SLC26A2: variants seen among roughly 807,000 people sequenced by gnomAD.
SLC26A2 encodes solute carrier family 26 member 2.
SLC26A2 carries 36 observed loss-of-function variants against 41.1 expected under a neutral mutation model. That is an observed-to-expected ratio of 0.88 (90% confidence interval 0.67 to 1.16). SLC26A2 has a LOEUF of 1.16. Ranked by LOEUF, SLC26A2 falls within the 50% of genes most tolerant of loss-of-function variation. SLC26A2 has a pLI of 0.00. For missense variants in SLC26A2, 796 were observed against 869.6 expected (o/e 0.92, Z 1.07); for synonymous variants, 291 against 311.6 (o/e 0.93, Z 0.70).
chr5:149,980,248 G>A, intron 2 of SLC26A2, 45 bp from the exon 3 acceptor site: 1 of 1,473,970 alleles, frequency 6.8e-7, no homozygotes, highest in Non-Finnish European at 9.5e-7. Context: ...AAATTTAGAA[G>A]TTCTTTTCCA....
Position 149,980,282 on chromosome 5 carries a change from C to T in SLC26A2, c.700-11C>T, listed in dbSNP as rs1396151743. 6.2e-7 allele frequency: 1 copy of T among 1,608,850 alleles called. No homozygotes were observed. The highest frequency in any genetic ancestry group is 1.3e-5 in the African/African-American group (1 of 74,906). ...CATTTATATTTAACACTTCTATATC[C>T]TTCCTTCCAGGTAGCGATGGGCTTC... is the stretch of plus-strand genomic sequence containing the variant. On this transcript the variant is annotated splice_polypyrimidine_tract_variant and intron_variant, in intron 2 of 2. Coordinates refer to ENST00000286298, the MANE Select transcript of SLC26A2 (RefSeq NM_000112.4).
chr5:149,971,269 G>A (rs1009581006), intron 1 of SLC26A2, among the ~76,000 whole-genome samples: 4 of 152,222 alleles, frequency 2.6e-5, no homozygotes, highest in African/African-American at 9.6e-5. Context: ...CTCATCCTTG[G>A]CATCCCTGGG....
Position 149,976,903 on chromosome 5 carries a change from A to G in SLC26A2, c.-25-725A>G, listed in dbSNP as rs559963687. Among the ~76,000 whole-genome samples, 5 of 152,344 alleles carry G rather than the reference A, an allele frequency of 3.3e-5. No individual in the cohort carries two copies. The South Asian group carries it at 1.0e-3, about 32-fold the overall frequency. ...TGACTCCATACTAGAACATAGTGGAATAGACAAAAACCTTCTACAGCATGT... is the reference window on the plus strand; with the variant it reads ...TGACTCCATACTAGAACATAGTGGAGTAGACAAAAACCTTCTACAGCATGT... On this transcript the variant is annotated intron_variant, in intron 1 of 2. Coordinates refer to ENST00000286298, the MANE Select transcript of SLC26A2 (RefSeq NM_000112.4).
chr5:149,978,793 T>C (rs567293247), intron 2 of SLC26A2, among the ~76,000 whole-genome samples: 1 of 152,214 alleles, frequency 6.6e-6, no homozygotes, highest in South Asian at 2.1e-4. Context: ...GCTCAAGCAG[T>C]CCTCCTACCT....
At position 149,984,039 on chromosome 5, in the gene SLC26A2, C is replaced by G. The variant is rs7722454; in HGVS notation, c.*2226C>G. ...AAAAATATAATTCCAGCCAAAGATT[C>G]TGGAAAATCCCTCAGAAGGAGGGAT... On this transcript the variant is annotated 3_prime_UTR_variant, in exon 3 of 3. Coordinates refer to ENST00000286298, the MANE Select transcript of SLC26A2 (RefSeq NM_000112.4). 2 of 152,210 alleles carry G rather than the reference C, an allele frequency of 1.3e-5. No individual in the cohort carries two copies. Among genetic ancestry groups the G allele is most frequent in the African/African-American group, 2.4e-5 (1 of 41,440 alleles). 9.4% of individuals were successfully genotyped at this position (152,210 alleles called of 1,614,324 possible).
At chr5:149,964,602 T>A (rs575258955) in intron 1 of SLC26A2, among the ~76,000 whole-genome samples, 1 of 151,814 alleles carries the variant, frequency 6.6e-6, no homozygotes, top group East Asian at 2.0e-4. Flanking sequence ...ACGGTGAAAC[T>A]CTGTCTCTAC....
intron 1 of SLC26A2, among the ~76,000 whole-genome samples, chr5:149,970,913 G>T (rs1366245616): frequency 6.6e-6 from 1 of 152,232 alleles, no homozygotes; most frequent in Non-Finnish European, 1.5e-5. Context: ...CTGATGCATT[G>T]TGTCTAGCAC....
chr5:149,960,822 G>C lies in SLC26A2; in HGVS notation c.-183G>C, dbSNP rs540241474. The stretch of plus-strand genomic sequence containing the variant: ...CGTCCTCGCCGCGCCCGTAGGTCCC[G>C]GCAGCCGGGCCCCGCCTCCTTCGGA... On this transcript the variant is annotated 5_prime_UTR_variant, in exon 1 of 3. Coordinates refer to ENST00000286298, the MANE Select transcript of SLC26A2 (RefSeq NM_000112.4). 4.0e-3 allele frequency: 606 copies of C among 152,476 alleles called. 3 individuals carry two copies. The highest frequency in any genetic ancestry group is 7.0e-3 in the Admixed American group (107 of 15,312). The allele number at this position is 152,476 out of a possible 1,614,324, so 9.4% of individuals were successfully genotyped here.
At chr5:149,971,285 A>G (rs1754893974) in intron 1 of SLC26A2, among the ~76,000 whole-genome samples, 1 of 152,240 alleles carries the variant, frequency 6.6e-6, no homozygotes, top group South Asian at 2.1e-4. Context: ...CTGGGCCTTT[A>G]TAGTGCTGTG....
intron 1 of SLC26A2, among the ~76,000 whole-genome samples, chr5:149,965,487 A>T (rs1308227181): frequency 4.6e-5 from 7 of 151,368 alleles, no homozygotes; most frequent in African/African-American, 1.7e-4. Flanking sequence ...CTCAAAAAAA[A>T]AAAAAAAAAA....
Position 149,975,468 on chromosome 5 carries a change from T to C in SLC26A2, c.-25-2160T>C, listed in dbSNP as rs115578067. ...GCATATCTTAGGTTTGGAAAAACCT[T>C]TTCACCCAGAAATCACCAAGAGCTC... On this transcript the variant is annotated intron_variant, in intron 1 of 2. Coordinates refer to ENST00000286298, the MANE Select transcript of SLC26A2 (RefSeq NM_000112.4). Among the ~76,000 whole-genome samples the C allele has an allele frequency of 1.8e-3, 274 of 152,302 alleles. 1 individual carries two copies. Among genetic ancestry groups the C allele is most frequent in the African/African-American group, 6.3e-3 (263 of 41,568 alleles).
intron 1 of SLC26A2, among the ~76,000 whole-genome samples, chr5:149,971,633 CAAGT>C (rs1251626944): frequency 6.6e-6 from 1 of 152,138 alleles, no homozygotes; most frequent in African/African-American, 2.4e-5. Context: ...CTCCTGGCCT[CAAGT>C]AAGCCACCCG....
In SLC26A2 at chr5:149,986,173, C is replaced by G. The variant is rs1344643161; in HGVS notation, c.*4360C>G. ...GGTGTTGAGAGTGAAGTTTCACTAG[C>G]AGGGAAGTTTCCTTGAGCCTAAAAT... On this transcript the variant is annotated 3_prime_UTR_variant, in exon 3 of 3. Transcript: ENST00000286298. 1 of 151,816 alleles carries G rather than the reference C, an allele frequency of 6.6e-6. No homozygotes were observed. Among genetic ancestry groups the G allele is most frequent in the Non-Finnish European group, 1.5e-5 (1 of 67,990 alleles). 9.4% of individuals were successfully genotyped at this position (151,816 alleles called of 1,614,324 possible). A position where few individuals can be genotyped will look rare whatever the true frequency, so the allele number is the denominator to read the frequency against.
At chr5:149,978,714 CAG>C (rs965028239) in intron 2 of SLC26A2, among the ~76,000 whole-genome samples, 13 of 150,184 alleles carry the variant, frequency 8.7e-5, no homozygotes, top group Non-Finnish European at 4.4e-5. Context: ...TTTCTGGAGA[CAG>C]GGTCTCACTC....
chr5:149,974,340 G>C (rs1454851577), intron 1 of SLC26A2, among the ~76,000 whole-genome samples: 1 of 151,614 alleles, frequency 6.6e-6, no homozygotes, highest in Non-Finnish European at 1.5e-5. Flanking sequence ...ATGTGTAGGT[G>C]AGGGTTTTTG....
rs1345804076 is a variant in SLC26A2, at chr5:149,977,782, A to G, written c.130A>G (p.Thr44Ala). 7 of 1,613,902 alleles carry G rather than the reference A, an allele frequency of 4.3e-6. No homozygotes were observed. Among genetic ancestry groups the G allele is most frequent in the Non-Finnish European group, 5.1e-6 (6 of 1,179,760 alleles). Residue 44 changes from threonine (T) to alanine (A), a missense_variant, in exon 2 of 3, where the codon ACC becomes GCC. Coordinates refer to ENST00000286298, the MANE Select transcript of SLC26A2 (RefSeq NM_000112.4). Reference sequence around the variant, plus strand: ...AAGTACTGACTTCAAGCAATTTGAGACCAATGATCAATGCAGACCTTATCA... The same window carrying G: ...AAGTACTGACTTCAAGCAATTTGAGGCCAATGATCAATGCAGACCTTATCA... ...ESSTDFKQFE[T>A]NDQCRPYHRI...
rs1754685372 is a variant in SLC26A2, at chr5:149,960,811, C to T, written c.-194C>T. The T allele has an allele frequency of 1.3e-5, 2 of 152,376 alleles. No individual in the cohort carries two copies. The highest frequency in any genetic ancestry group is 2.9e-5 in the Non-Finnish European group (2 of 68,152). 9.4% of individuals were successfully genotyped at this position (152,376 alleles called of 1,614,324 possible). ...CTTCGCCGGTGCGTCCTCGCCGCGCCCGTAGGTCCCGGCAGCCGGGCCCCG... is the reference window on the plus strand; with the variant it reads ...CTTCGCCGGTGCGTCCTCGCCGCGCTCGTAGGTCCCGGCAGCCGGGCCCCG... On this transcript the variant is annotated 5_prime_UTR_variant, in exon 1 of 3. Coordinates refer to ENST00000286298, the MANE Select transcript of SLC26A2 (RefSeq NM_000112.4).
intron 1 of SLC26A2, among the ~76,000 whole-genome samples, chr5:149,963,625 G>C (rs1383938614): frequency 6.6e-6 from 1 of 152,018 alleles, no homozygotes; most frequent in Non-Finnish European, 1.5e-5. Context: ...ATGTTGGCCA[G>C]GCTGGTCTCG....
rs1281478160 is a variant in SLC26A2, at chr5:149,977,633, T to C, written c.-20T>C. On this transcript the variant is annotated 5_prime_UTR_variant, in exon 2 of 3. Coordinates refer to ENST00000286298, the MANE Select transcript of SLC26A2 (RefSeq NM_000112.4). ...TGGTATTTTCTCTGGTGTAGGAAGC[T>C]GAACCATCTATCTCCAGAAATGTCT... 6.5e-7 allele frequency: 1 copy of C among 1,548,880 alleles called. No homozygotes were observed. Among genetic ancestry groups the C allele is most frequent in the Non-Finnish European group, 8.9e-7 (1 of 1,121,028 alleles).
Sources: allele counts gnomAD v4.1 joint callset (sites outside exome capture counted in the v4.1 genomes callset), GRCh38; gene constraint gnomAD v4.1.1; transcripts MANE v1.5; gene names NCBI Gene and HGNC (gene_info 2026-07-23, HGNC 2026-07-21).